Variants in CYP24A1 observed in about 807,000 individuals in gnomAD.
CYP24A1 encodes the protein 1,25-dihydroxyvitamin D(3) 24-hydroxylase, mitochondrial.
In CYP24A1, 68 loss-of-function variants were observed where a neutral mutation model predicts 62.4. That is an observed-to-expected ratio of 1.09 (90% CI 0.90 to 1.33). The LOEUF is 1.33. Ranked by LOEUF, CYP24A1 falls within the 40% of genes most tolerant of loss-of-function variation. The pLI is 0.00. For synonymous variants in CYP24A1, 267 were observed against 253.0 expected, an observed-to-expected ratio of 1.06 and a Z score of -0.52; for missense variants, 787 against 653.0, an observed-to-expected ratio of 1.21 and a Z score of -2.24.
chr20:54,167,911 A>G (rs1365090954), intron 4 of CYP24A1, among the ~76,000 whole-genome samples: 2 of 152,168 alleles, frequency 1.3e-5, no homozygotes, highest in Non-Finnish European at 2.9e-5. Flanking sequence ...ATCTGCCCAT[A>G]TATCACACTG....
In CYP24A1 at chr20:54,162,843, G is replaced by T; in HGVS notation, c.864C>A (p.Asn288Lys). The T allele has an allele frequency of 6.3e-7, 1 of 1,575,536 alleles. No individual in the cohort carries two copies. Among genetic ancestry groups the T allele is most frequent in the Non-Finnish European group, 8.7e-7 (1 of 1,145,094 alleles). Reference protein sequence around the residue: ...IFKSVKACIDNRLEKYSQQPS... With the variant: ...IFKSVKACIDKRLEKYSQQPS... ...GCTGCTGAGAATACTTCTCTAACCG[G>T]TTGTCGATACAAGCTTTGACTATTA... Residue 288 changes from asparagine to lysine, a missense_variant, in exon 7 of 12, where the codon AAC becomes AAA. Asn to Lys is a moderately conservative substitution (Grantham distance 94). Coordinates refer to ENST00000216862, the MANE Select transcript of CYP24A1 (RefSeq NM_000782.5).
intron 9 of CYP24A1, 146 bp downstream of exon 9, chr20:54,157,940 C>A (rs1977297): frequency 2.2e-6 from 3 of 1,386,700 alleles, no homozygotes; most frequent in Non-Finnish European, 2.9e-6. Context: ...TAATTCTATA[C>A]TATGCAACAT....
At chr20:54,158,827 AT>A in intron 8 of CYP24A1, 129 bp downstream of exon 8, 4 of 1,501,742 alleles carry the variant, frequency 2.7e-6, no homozygotes, top group Non-Finnish European at 1.8e-6. Flanking sequence ...GGCTCCAAAG[AT>A]TTTTTTGCAG....
At chr20:54,143,713 G>T in the CYP24A1 span, among the ~76,000 whole-genome samples, 8 of 148,100 alleles carry the variant, frequency 5.4e-5, no homozygotes, top group Admixed American at 1.3e-4. Flanking sequence ...TAAACAAAAA[G>T]AAAATAGAAG....
rs768320804 is a variant in CYP24A1, at chr20:54,173,034, G to T, written c.324C>A (p.His108Gln). The change falls in exon 2 of 12, where the codon CAC becomes CAA. Residue 108 changes from histidine (H) to glutamine (Q), a missense_variant. Physicochemically the swap from His to Gln is conservative, Grantham distance 24 (BLOSUM62 0). Coordinates refer to ENST00000216862, the MANE Select transcript of CYP24A1 (RefSeq NM_000782.5). The surrounding 1 kb of genome is among the most constrained non-coding windows in gnomAD (Gnocchi z 7.2). The stretch of plus-strand genomic sequence containing the variant: ...CTTCCAGCAGGCATGGCGAGCCCAG[G>T]TGCACCGACTCAAAGGAACCCAACT... ...RMKLGSFESV[H>Q]LGSPCLLEAL... 1.1e-5 allele frequency: 18 copies of T among 1,609,824 alleles called. No individual in the cohort carries two copies. Among genetic ancestry groups the T allele is most frequent in the Non-Finnish European group, 1.4e-5 (16 of 1,180,018 alleles).
Position 54,173,061 on chromosome 20 carries a change from C to G in CYP24A1, c.297G>C (p.Met99Ile). 2 of 1,606,662 alleles carry G rather than the reference C, an allele frequency of 1.2e-6. No homozygotes were observed. The highest frequency in any genetic ancestry group is 1.7e-6 in the Non-Finnish European group (2 of 1,180,006). ...YHKKYGKIFR[M>I]KLGSFESVHL... ...GCACCGACTCAAAGGAACCCAACTT[C>G]ATGCGGAAAATCTTGCCATACTTCT... The change falls in exon 2 of 12, where the codon ATG becomes ATC. Residue 99 changes from methionine (M) to isoleucine (I), a missense_variant. Met to Ile is a conservative substitution (Grantham distance 10, BLOSUM62 1). Transcript: ENST00000216862. The surrounding 1 kb of genome is among the most constrained non-coding windows in gnomAD (Gnocchi z 7.2).
intron 7 of CYP24A1, among the ~76,000 whole-genome samples, chr20:54,160,136 A>C (rs568394937): frequency 3.3e-5 from 5 of 152,368 alleles, no homozygotes; most frequent in African/African-American, 1.2e-4. Context: ...GAGGGTTACA[A>C]CCACATGTAA....
intron 3 of CYP24A1, among the ~76,000 whole-genome samples, chr20:54,171,005 A>G (rs2092691869): frequency 2.0e-5 from 3 of 152,224 alleles, no homozygotes; most frequent in Admixed American, 2.0e-4. Context: ...AGAAAGCCTC[A>G]CATCAGCTAC....
At chr20:54,145,268 T>A in the CYP24A1 span, among the ~76,000 whole-genome samples, 6 of 151,142 alleles carry the variant, frequency 4.0e-5, no homozygotes, top group African/African-American at 1.5e-4. Flanking sequence ...CAGCTTATTT[T>A]TCCGGAAGCT....
At chr20:54,162,064 T>A (rs1374536840) in intron 7 of CYP24A1, among the ~76,000 whole-genome samples, 2 of 152,182 alleles carry the variant, frequency 1.3e-5, no homozygotes, top group Admixed American at 1.3e-4. Flanking sequence ...TAGTATCTGC[T>A]ATCTCCTAGG....
the CYP24A1 span, among the ~76,000 whole-genome samples, chr20:54,147,525 AC>A: frequency 6.6e-6 from 1 of 152,156 alleles, no homozygotes; most frequent in Non-Finnish European, 1.5e-5. Context: ...GGCCACACAG[AC>A]CAGGACCTCT....
chr20:54,173,210 C>T lies in CYP24A1; in HGVS notation c.259-111G>A. 1 of 1,521,202 alleles carries T rather than the reference C, an allele frequency of 6.6e-7. No homozygotes were observed. Among genetic ancestry groups the T allele is most frequent in the South Asian group, 1.1e-5 (1 of 87,982 alleles). 94.2% of individuals were successfully genotyped at this position (1,521,202 alleles called of 1,614,324 possible). Reference sequence around the variant, plus strand: ...TAGGGGACCGGGGACCCTCCCTGCCCAGACGCCGAAGCGCACCATGCGCCC... The same window carrying T: ...TAGGGGACCGGGGACCCTCCCTGCCTAGACGCCGAAGCGCACCATGCGCCC... On this transcript the variant is annotated intron_variant, in intron 1 of 11. Coordinates refer to ENST00000216862, the MANE Select transcript of CYP24A1 (RefSeq NM_000782.5). This position sits in a 1 kb window ranked among gnomAD's most constrained non-coding sequence, Gnocchi z 7.2.
At chr20:54,167,425 T>TGAGGTCA (rs1332367212) in intron 4 of CYP24A1, among the ~76,000 whole-genome samples, 3 of 152,148 alleles carry the variant, frequency 2.0e-5, no homozygotes, top group Admixed American at 6.5e-5. Flanking sequence ...GAGCATCATC[T>TGAGGTCA]GAGGTCAGGA....
chr20:54,162,258 G>A (rs116769193), intron 7 of CYP24A1, among the ~76,000 whole-genome samples: 4,477 of 96,756 alleles, frequency 0.046, 196 homozygotes, highest in South Asian at 0.12. Flanking sequence ...TTTTTTTACA[G>A]TAAGTAACAG....
rs929159222 is a variant in CYP24A1 at position 54,160,336 on chromosome 20, C to T, written c.991-1213G>A. 6.6e-5 allele frequency among the ~76,000 whole-genome samples: 10 copies of T among 152,306 alleles called. No homozygotes were observed. The South Asian group carries it at 1.0e-3, about 16-fold the overall frequency. Reference sequence around the variant, plus strand: ...ATGTAGCTTTAAGCTACATAATATTCACCACTAGTAGTCATATGTATTTAT... The same window carrying T: ...ATGTAGCTTTAAGCTACATAATATTTACCACTAGTAGTCATATGTATTTAT... On this transcript the variant is annotated intron_variant, in intron 7 of 11. Coordinates refer to ENST00000216862, the MANE Select transcript of CYP24A1 (RefSeq NM_000782.5).
downstream of CYP24A1, among the ~76,000 whole-genome samples, chr20:54,150,858 A>G (rs1273278013): frequency 1.3e-5 from 2 of 152,182 alleles, no homozygotes; most frequent in Non-Finnish European, 2.9e-5. Context: ...TATTTCCTCA[A>G]TCAGAGAGGC....
At position 54,157,940 on chromosome 20, in the gene CYP24A1, C is replaced by T. The variant is rs1977297; in HGVS notation, c.1236+146G>A. On this transcript the variant is annotated intron_variant, in intron 9 of 11. Transcript: ENST00000216862. The stretch of plus-strand genomic sequence containing the variant: ...CATAGCCGTGAATTCTAATTCTATA[C>T]TATGCAACATGTCAACTATTCTCTA... The T allele has an allele frequency of 0.12, 168,912 of 1,384,664 alleles. 12,609 individuals are homozygous for T. Among genetic ancestry groups the T allele is most frequent in the East Asian group, 0.31 (12,296 of 39,918 alleles). 85.8% of individuals were successfully genotyped at this position (1,384,664 alleles called of 1,614,324 possible). A position where few individuals can be genotyped will look rare whatever the true frequency, so the allele number is the denominator to read the frequency against.
chr20:54,149,546 A>T (rs2762928), downstream of CYP24A1, among the ~76,000 whole-genome samples: 20,767 of 152,218 alleles, frequency 0.14, 1,580 homozygotes, highest in South Asian at 0.29. Flanking sequence ...GAAAGGAAAA[A>T]AAAATGAAGG....
rs1036908892 is a variant in CYP24A1, at chr20:54,153,460, A to G, written c.*1312T>C. 1 of 152,200 alleles carries G rather than the reference A, an allele frequency of 6.6e-6. No homozygotes were observed. The highest frequency in any genetic ancestry group is 2.4e-5 in the African/African-American group (1 of 41,450). 9.4% of individuals were successfully genotyped at this position (152,200 alleles called of 1,614,324 possible). ...GGGGAAGTCTCTCAAATATTTAAAA[A>G]CTTTTATTTTTACTTTCAGAGAATT... is the stretch of plus-strand genomic sequence containing the variant. On this transcript the variant is annotated 3_prime_UTR_variant, in exon 12 of 12. Coordinates refer to ENST00000216862, the MANE Select transcript of CYP24A1 (RefSeq NM_000782.5).
Sources: gnomAD v4.1 joint callset for allele counts (sites outside exome capture counted in the v4.1 genomes callset) on GRCh38, gnomAD v4.1.1 for gene constraint, Gnocchi (gnomAD v3.1) non-coding constraint, MANE v1.5 for transcripts, NCBI Gene and HGNC (gene_info 2026-07-23, HGNC 2026-07-21) for gene names.